The following EVPLL variants were observed in gnomAD, a reference collection of about 807,000 sequenced individuals.
The protein encoded by EVPLL is envoplakin-like protein.
A neutral mutation model predicts 46.2 loss-of-function variants in EVPLL; 39 were observed. That is an observed-to-expected ratio of 0.84 (90% CI 0.65 to 1.10). The LOEUF is 1.10. Ranked by LOEUF, EVPLL falls within the 50% of genes least tolerant of loss-of-function variation. The pLI, the probability that EVPLL is intolerant of heterozygous loss-of-function variation, is 0.00. For missense variants in EVPLL, 385 were observed against 412.6 expected, an observed-to-expected ratio of 0.93 and a Z score of 0.58; for synonymous variants, 156 against 165.8, an observed-to-expected ratio of 0.94 and a Z score of 0.46.
chr17:18,380,068 C>A (rs923947854), intron 1 of EVPLL: 1 of 152,412 alleles, frequency 6.6e-6, no homozygotes. Flanking sequence ...CAGTTCAAGG[C>A]TTCCCCTGCC....
chr17:18,382,580 A>G lies in EVPLL; in HGVS notation c.414A>G (p.Gln138=), dbSNP rs1027094781. 2.6e-6 allele frequency: 4 copies of G among 1,551,850 alleles called. No individual in the cohort carries two copies. Among genetic ancestry groups the G allele is most frequent in the Middle Eastern group, 1.7e-4 (1 of 5,992 alleles). ...GGAGGTDRGA[Q]HRAEGDQRPR... is the part of the protein sequence containing the mutation. ...CTGGAGGAACAGATCGCGGAGCTCA[A>G]CATCGTGCAGAAGGAGATCAACGAC... The change falls in exon 5 of 11, where the codon CAA becomes CAG. Residue 138 remains glutamine (Q), a synonymous_variant. Transcript: ENST00000399134.
chr17:18,380,484 G>C, intron 1 of EVPLL: 1 of 183,360 alleles, frequency 5.5e-6, no homozygotes, highest in Non-Finnish European at 1.2e-5. Flanking sequence ...GAGGAGGTGG[G>C]GGTGGGGGGC....
rs367778463 is a variant in EVPLL at position 18,384,323 on chromosome 17, T to C, written c.876+736T>C. On this transcript the variant is annotated intron_variant, in intron 9 of 10. Transcript: ENST00000399134. ...TTCTATAAAAAATAAAAATAAAAAC[T>C]AGCCAGGCATGGTGGCTCGTGCCTA... Among the ~76,000 whole-genome samples the C allele has an allele frequency of 2.0e-4, 30 of 151,356 alleles. 2 individuals are homozygous for C. Among genetic ancestry groups the C allele is most frequent in the Admixed American group, 1.4e-3 (21 of 15,196 alleles).
At chr17:18,388,410 T>G in intron 10 of EVPLL, 122 bp downstream of exon 10, 4 of 632,694 alleles carry the variant, frequency 6.3e-6, no homozygotes, top group Non-Finnish European at 1.1e-5. Context: ...CTCTGTGCTG[T>G]GTCTCTGGAT....
Position 18,383,542 on chromosome 17 carries a change from C to T in EVPLL, c.831C>T (p.Cys277=), listed in dbSNP as rs1210857803. The change falls in exon 9 of 11, where the codon TGC becomes TGT. Residue 277 remains cysteine, a synonymous_variant. Transcript: ENST00000399134. The part of the protein sequence containing the change: ...KMEWQNFLNL[C]ICQETQLQHV... The stretch of plus-strand genomic sequence containing the variant: ...AGTGGCAGAACTTCCTGAACCTGTG[C>T]ATCTGCCAGGAGACCCAGCTCCAGC... 8 of 1,581,882 alleles carry T rather than the reference C, an allele frequency of 5.1e-6. No individual in the cohort carries two copies. The highest frequency in any genetic ancestry group is 6.9e-6 in the Non-Finnish European group (8 of 1,164,162).
Position 18,383,371 on chromosome 17 carries a change from C to A in EVPLL, c.773C>A (p.Pro258His). 1 of 1,596,418 alleles carries A rather than the reference C, an allele frequency of 6.3e-7. No individual in the cohort carries two copies. The highest frequency in any genetic ancestry group is 8.5e-7 in the Non-Finnish European group (1 of 1,172,726). Residue 258 changes from proline to histidine, a missense_variant, in exon 8 of 11, where the codon CCC (proline) becomes CAC (histidine). Physicochemically the swap from Pro to His is moderately conservative, Grantham distance 77 (BLOSUM62 -2). Coordinates refer to ENST00000399134, the MANE Select transcript of EVPLL (RefSeq NM_001145127.2). ...GAGCTGCGGCACCCCGCGGTGGGGC[C>A]CATCCAGGTGCGCTGGGGGCAGGGC... ...MVELRHPAVG[P>H]IQAHQEALKM...
chr17:18,383,790 T>G, intron 9 of EVPLL: 2 of 571,842 alleles, frequency 3.5e-6, no homozygotes, highest in Non-Finnish European at 6.2e-6. Flanking sequence ...CTGGCCAACA[T>G]GGTGAAACCC....
At chr17:18,385,856 T>G (rs1987748010) in intron 9 of EVPLL, among the ~76,000 whole-genome samples, 1 of 152,138 alleles carries the variant, frequency 6.6e-6, no homozygotes, top group South Asian at 2.1e-4. Context: ...TACACTGAAA[T>G]TATGCACCCT....
In EVPLL at chr17:18,383,288, G is replaced by A. The variant is rs1197789724; in HGVS notation, c.690G>A (p.Glu230=). ...RREYEHFKQH[E]LLSQEQSVNQ... ...GCCCCCAGCACTTCAAGCAGCACGA[G>A]CTGCTGAGCCAGGAGCAGAGCGTAA... The change falls in exon 8 of 11, where the codon GAG becomes GAA. Residue 230 remains glutamate, a synonymous_variant. Transcript: ENST00000399134. 1 of 1,595,156 alleles carries A rather than the reference G, an allele frequency of 6.3e-7. No individual in the cohort carries two copies. Among genetic ancestry groups the A allele is most frequent in the East Asian group, 2.3e-5 (1 of 43,782 alleles).
chr17:18,388,079 T>C lies in EVPLL; in HGVS notation c.877-140T>C, dbSNP rs1157363837. On this transcript the variant is annotated intron_variant, in intron 9 of 10. Transcript: ENST00000399134. ...ATATATATATAAAATTTATTTATAG[T>C]GTGTGTAATGGTTGTCTACAAGGCA... 7 of 320,514 alleles carry C rather than the reference T, an allele frequency of 2.2e-5. No individual in the cohort carries two copies. The Admixed American group carries it at 3.8e-4, about 17-fold the overall frequency. 19.9% of individuals were successfully genotyped at this position (320,514 alleles called of 1,614,324 possible). A position where few individuals can be genotyped will look rare whatever the true frequency, so the allele number is the denominator to read the frequency against.
rs760859780 is a variant in EVPLL at position 18,381,614 on chromosome 17, T to G, written c.230T>G (p.Leu77Arg). 1.4e-4 allele frequency: 220 copies of G among 1,614,030 alleles called. No individual in the cohort carries two copies. Among genetic ancestry groups the G allele is most frequent in the Middle Eastern group, 3.3e-4 (2 of 6,080 alleles). The part of the protein sequence containing the change: ...AEETEKDIEQ[L>R]HERVTQECAE... ...CACCTTCTTGACAGCATCGAGCAGC[T>G]GCACGAGCGGGTGACCCAGGAGTGT... Residue 77 changes from leucine to arginine, a missense_variant, in exon 4 of 11, where the codon CTG (leucine) becomes CGG (arginine). By Grantham distance (102) the Leu-to-Arg change is moderately radical. Transcript: ENST00000399134. The surrounding 1 kb of genome is among the most constrained non-coding windows in gnomAD (Gnocchi z 4.2).
At chr17:18,382,055 G>C in intron 4 of EVPLL, 1 of 437,610 alleles carries the variant, frequency 2.3e-6, no homozygotes, top group Non-Finnish European at 4.2e-6. Flanking sequence ...CAGGTGGGCA[G>C]AGCCAGGACA....
chr17:18,386,234 G>A (rs1278980970), intron 9 of EVPLL, among the ~76,000 whole-genome samples: 2 of 152,142 alleles, frequency 1.3e-5, no homozygotes. Context: ...CTCTATGCAT[G>A]TCTCTGTGTC....
intron 9 of EVPLL, among the ~76,000 whole-genome samples, chr17:18,385,179 G>C (rs947070751): frequency 1.4e-5 from 2 of 143,032 alleles, no homozygotes; most frequent in African/African-American, 5.3e-5. Flanking sequence ...CCTGCTGCTC[G>C]CAGCCCCTGA....
intron 4 of EVPLL, chr17:18,382,209 G>A (rs1418325809): frequency 5.3e-6 from 2 of 374,540 alleles, no homozygotes; most frequent in Admixed American, 7.6e-5. Context: ...GAGGTGTCCA[G>A]GCAGGAAGCA....
Position 18,381,849 on chromosome 17 carries a change from C to A in EVPLL, c.346+119C>A. On this transcript the variant is annotated intron_variant, in intron 4 of 10. Coordinates refer to ENST00000399134, the MANE Select transcript of EVPLL (RefSeq NM_001145127.2). The surrounding 1 kb of genome is among the most constrained non-coding windows in gnomAD (Gnocchi z 4.2). The stretch of plus-strand genomic sequence containing the variant: ...TATAGTGGTGTCTCAGGGGTCTGGG[C>A]AGGGAGACAGCAGAGGAGACAGTGC... The A allele has an allele frequency of 1.3e-6, 2 of 1,494,562 alleles. No individual in the cohort carries two copies. The highest frequency in any genetic ancestry group is 1.2e-5 in the South Asian group (1 of 81,556). The allele number at this position is 1,494,562 out of a possible 1,614,324, so 92.6% of individuals were successfully genotyped here.
Position 18,381,393 on chromosome 17 carries a change from G to A in EVPLL, c.90G>A (p.Gln30=). The A allele has an allele frequency of 6.3e-7, 1 of 1,588,684 alleles. No individual in the cohort carries two copies. The highest frequency in any genetic ancestry group is 8.6e-7 in the Non-Finnish European group (1 of 1,168,620). The change falls in exon 3 of 11, where the codon CAG becomes CAA. Residue 30 remains glutamine (Q), a synonymous_variant. Coordinates refer to ENST00000399134, the MANE Select transcript of EVPLL (RefSeq NM_001145127.2). This position sits in a 1 kb window ranked among gnomAD's most constrained non-coding sequence, Gnocchi z 4.2. Reference sequence around the variant, plus strand: ...ACCGGCTGAACAGTGAGCAGAGCCAGGCCCTGCAGCACCAGCAGGAGACGG... The same window carrying A: ...ACCGGCTGAACAGTGAGCAGAGCCAAGCCCTGCAGCACCAGCAGGAGACGG... ...QQDRLNSEQS[Q]ALQHQQETGS...
At position 18,381,545 on chromosome 17, in the gene EVPLL, G is replaced by T; in HGVS notation, c.218+24G>T. The T allele has an allele frequency of 6.2e-7, 1 of 1,613,224 alleles. No individual in the cohort carries two copies. On this transcript the variant is annotated intron_variant, in intron 3 of 10. Coordinates refer to ENST00000399134, the MANE Select transcript of EVPLL (RefSeq NM_001145127.2). The surrounding 1 kb of genome is among the most constrained non-coding windows in gnomAD (Gnocchi z 4.2). ...GAGTGAGTGGGGCTGCGGCAGGGCT[G>T]GGGGTCCCTGGGGAAGACCCAGGCC...
Position 18,383,558 on chromosome 17 carries a change from C to T in EVPLL, c.847C>T (p.Gln283Ter). The T allele has an allele frequency of 6.4e-7, 1 of 1,572,486 alleles. No individual in the cohort carries two copies. The highest frequency in any genetic ancestry group is 8.6e-7 in the Non-Finnish European group (1 of 1,159,056). The change falls in exon 9 of 11, where the codon CAG becomes TAG. Residue 283 changes from glutamine (Q) to a stop codon, truncating the protein, a stop_gained. Coordinates refer to ENST00000399134, the MANE Select transcript of EVPLL (RefSeq NM_001145127.2). LOFTEE classifies it high-confidence loss of function. ...GAACCTGTGCATCTGCCAGGAGACC[C>T]AGCTCCAGCACGTGGAGGACTACAG... ...FLNLCICQET[Q>*]LQHVEDYSRI...
Sources: allele counts gnomAD v4.1 joint callset (sites outside exome capture counted in the v4.1 genomes callset), GRCh38; gene constraint gnomAD v4.1.1; non-coding constraint Gnocchi (gnomAD v3.1); transcripts MANE v1.5; gene names NCBI Gene and HGNC (gene_info 2026-07-23, HGNC 2026-07-21).